FEZ1: variants seen among roughly 807,000 people sequenced by gnomAD.
The protein encoded by FEZ1 is fasciculation and elongation protein zeta-1.
Under a neutral mutation model 49.3 loss-of-function variants are expected in FEZ1, and 20 were observed. That is an observed-to-expected ratio of 0.41 (90% CI 0.29 to 0.59). The LOEUF is 0.59. Ranked by LOEUF, FEZ1 falls within the 20% of genes least tolerant of loss-of-function variation. The pLI, the probability that FEZ1 is intolerant of heterozygous loss-of-function variation, is 0.36. For synonymous variants in FEZ1, 170 were observed against 180.9 expected, an observed-to-expected ratio of 0.94 and a Z score of 0.48; for missense variants, 413 against 476.0, an observed-to-expected ratio of 0.87 and a Z score of 1.23.
chr11:125,462,537 C>T (rs531480614), intron 4 of FEZ1, among the ~76,000 whole-genome samples: 3 of 152,232 alleles, frequency 2.0e-5, no homozygotes, highest in East Asian at 1.9e-4. Context: ...CCGAGTACAA[C>T]GAATTTCAAT....
At chr11:125,476,672 A>G (rs1368457592) in intron 3 of FEZ1, among the ~76,000 whole-genome samples, 1 of 152,204 alleles carries the variant, frequency 6.6e-6, no homozygotes, top group African/African-American at 2.4e-5. Context: ...CAGGAATCTA[A>G]AGATGGAGAA....
intron 8 of FEZ1, among the ~76,000 whole-genome samples, chr11:125,451,737 C>G (rs775880062): frequency 3.2e-4 from 48 of 152,230 alleles, no homozygotes; most frequent in Non-Finnish European, 6.9e-4. Flanking sequence ...CAGTTACTGT[C>G]TACAAAAGGC....
intron 1 of FEZ1, among the ~76,000 whole-genome samples, chr11:125,493,507 AG>A (rs1208191782): frequency 1.4e-5 from 1 of 73,048 alleles, no homozygotes; most frequent in African/African-American, 6.1e-5. Context: ...AGAAAGAAAG[AG>A]AGAAAGAAAG....
rs1256403067 is a variant in FEZ1, at chr11:125,445,845, G to A, written c.*250C>T. The A allele has an allele frequency of 1.5e-5, 8 of 540,962 alleles. No homozygotes were observed. Among genetic ancestry groups the A allele is most frequent in the Admixed American group, 2.6e-5 (1 of 38,318 alleles). 33.5% of individuals were successfully genotyped at this position (540,962 alleles called of 1,614,324 possible). A position where few individuals can be genotyped will look rare whatever the true frequency, so the allele number is the denominator to read the frequency against. ...AGACTACATAATGAGCGGTGAAAGCGGCTGCCTTCCCCTCTCCTGACACCA... is the reference window on the plus strand; with the variant it reads ...AGACTACATAATGAGCGGTGAAAGCAGCTGCCTTCCCCTCTCCTGACACCA... On this transcript the variant is annotated 3_prime_UTR_variant, in exon 10 of 10. Coordinates refer to ENST00000278919, the MANE Select transcript of FEZ1 (RefSeq NM_005103.5). The surrounding 1 kb of genome is among the most constrained non-coding windows in gnomAD (Gnocchi z 4.4).
At chr11:125,477,421 C>A (rs1240818144) in intron 3 of FEZ1, among the ~76,000 whole-genome samples, 1 of 151,960 alleles carries the variant, frequency 6.6e-6, no homozygotes, top group Admixed American at 6.6e-5. Context: ...AGGAGAATTG[C>A]TTGAACCTGG....
In FEZ1 at chr11:125,489,570, G is replaced by T; in HGVS notation, c.208C>A (p.Leu70Ile). ...EDLVNEFDEK[L>I]NVCFRNYNAK... is the part of the protein sequence containing the mutation. ...TTGTAGTTCCGAAAGCAGACATTGA[G>T]CTTCTCATCAAATTCATTTACGAGG... The change falls in exon 2 of 10, where the codon CTC (leucine) becomes ATC (isoleucine). Residue 70 changes from leucine (L) to isoleucine (I), a missense_variant. Coordinates refer to ENST00000278919, the MANE Select transcript of FEZ1 (RefSeq NM_005103.5). The surrounding 1 kb of genome is among the most constrained non-coding windows in gnomAD (Gnocchi z 4.2). 6.2e-7 allele frequency: 1 copy of T among 1,614,156 alleles called. No homozygotes were observed. The highest frequency in any genetic ancestry group is 8.5e-7 in the Non-Finnish European group (1 of 1,180,016).
At chr11:125,467,887 CT>C (rs1474616473) in intron 3 of FEZ1, among the ~76,000 whole-genome samples, 1 of 152,118 alleles carries the variant, frequency 6.6e-6, no homozygotes, top group Non-Finnish European at 1.5e-5. Context: ...CCAATTTCCT[CT>C]TATCCAGACA....
rs1555177852 is a variant in FEZ1, at chr11:125,449,441, A to AG, written c.1097-875_1097-874insC. 3.6e-3 allele frequency among the ~76,000 whole-genome samples: 460 copies of AG among 128,210 alleles called. 27 individuals carry two copies. Among genetic ancestry groups the AG allele is most frequent in the East Asian group, 0.02 (71 of 3,510 alleles). The allele number at this position is 128,210 out of a possible 152,430, so 84.1% of individuals were successfully genotyped here. ...ATAAAAAAAAAAAAAAAAAAAAAAA[A>AG]AAGAAGAAGAGGAAGAAAAGAAAAA... On this transcript the variant is annotated intron_variant, in intron 8 of 9. Transcript: ENST00000278919.
Position 125,454,132 on chromosome 11 carries a change from G to A in FEZ1, c.1018C>T (p.Gln340Ter), listed in dbSNP as rs1198238415. The part of the protein sequence containing the change: ...QTFGSSGTDK[Q>*]YLNTVIPYEK... ...TGGAGCAGGGAGACTACGCGTACCT[G>A]TTTGTCAGTTCCTGAGGAGCCAAAG... Residue 340 changes from glutamine (Q) to a stop codon, truncating the protein, a stop_gained and splice_region_variant, in exon 7 of 10, where the codon CAG becomes TAG. Transcript: ENST00000278919. LOFTEE classifies it high-confidence loss of function. 1 of 1,612,066 alleles carries A rather than the reference G, an allele frequency of 6.2e-7. No homozygotes were observed. Among genetic ancestry groups the A allele is most frequent in the Admixed American group, 1.7e-5 (1 of 59,908 alleles).
intron 9 of FEZ1, among the ~76,000 whole-genome samples, chr11:125,447,047 G>C (rs1395304756): frequency 6.6e-6 from 1 of 151,908 alleles, no homozygotes; most frequent in East Asian, 1.9e-4. Context: ...GTGCATGCAG[G>C]ACAAAAAACA....
chr11:125,448,644 G>A (rs905496940), intron 8 of FEZ1, 77 bp from the exon 9 acceptor site: 5 of 865,892 alleles, frequency 5.8e-6, no homozygotes, highest in Admixed American at 1.8e-5. Context: ...TGACCCACCA[G>A]CCCAGAGTGA....
chr11:125,459,926 G>A (rs537121177), intron 5 of FEZ1, among the ~76,000 whole-genome samples: 1 of 152,178 alleles, frequency 6.6e-6, no homozygotes, highest in South Asian at 2.1e-4. Context: ...GCGAAACCTC[G>A]TCTCTACAAA....
chr11:125,467,607 T>C (rs2135758280), intron 3 of FEZ1, among the ~76,000 whole-genome samples: 1 of 152,220 alleles, frequency 6.6e-6, no homozygotes, highest in East Asian at 1.9e-4. Context: ...TTCCAGCAAT[T>C]TGGGAGGCCA....
At chr11:125,466,734 A>G (rs1179559182) in intron 3 of FEZ1, among the ~76,000 whole-genome samples, 1 of 152,186 alleles carries the variant, frequency 6.6e-6, no homozygotes, top group African/African-American at 2.4e-5. Context: ...AAGGCCTATA[A>G]CATTGCTAAA....
At chr11:125,492,069 C>A (rs1565306179) in intron 1 of FEZ1, among the ~76,000 whole-genome samples, 1 of 152,162 alleles carries the variant, frequency 6.6e-6, no homozygotes. Flanking sequence ...CCAATATATC[C>A]AAAGTGTTAC....
chr11:125,453,344 C>T (rs1956976291), intron 7 of FEZ1: 1 of 152,214 alleles, frequency 6.6e-6, no homozygotes. Flanking sequence ...ATAGTTCTCA[C>T]TGCCATAAAA....
chr11:125,489,675 G>A lies in FEZ1; in HGVS notation c.103C>T (p.Pro35Ser). The change falls in exon 2 of 10, where the codon CCC (proline) becomes TCC (serine). Residue 35 changes from proline to serine, a missense_variant. Physicochemically the swap from Pro to Ser is moderately conservative, Grantham distance 74. Coordinates refer to ENST00000278919, the MANE Select transcript of FEZ1 (RefSeq NM_005103.5). The surrounding 1 kb of genome is among the most constrained non-coding windows in gnomAD (Gnocchi z 4.2). ...EKPQCFYGSS[P>S]HHLEDPSLSE... is the part of the protein sequence containing the mutation. ...AGGGAGGGGTCCTCGAGATGGTGGGGAGATGAACCATAGAAACACTGGGGC... is the reference window on the plus strand; with the variant it reads ...AGGGAGGGGTCCTCGAGATGGTGGGAAGATGAACCATAGAAACACTGGGGC... 1 of 1,614,016 alleles carries A rather than the reference G, an allele frequency of 6.2e-7. No individual in the cohort carries two copies. The highest frequency in any genetic ancestry group is 8.5e-7 in the Non-Finnish European group (1 of 1,179,956).
intron 5 of FEZ1, among the ~76,000 whole-genome samples, chr11:125,457,598 G>T (rs1363521605): frequency 1.4e-5 from 2 of 138,076 alleles, no homozygotes; most frequent in African/African-American, 2.7e-5. Flanking sequence ...TTTGCGGCAG[G>T]GGAGGAAGAA....
chr11:125,472,732 A>G (rs1358128564), intron 3 of FEZ1, among the ~76,000 whole-genome samples: 1 of 152,210 alleles, frequency 6.6e-6, no homozygotes, highest in Non-Finnish European at 1.5e-5. Context: ...AGAACAAAAT[A>G]AAATTTCAGA....
Sources: gnomAD v4.1 joint callset for allele counts (sites outside exome capture counted in the v4.1 genomes callset) on GRCh38, gnomAD v4.1.1 for gene constraint, Gnocchi (gnomAD v3.1) non-coding constraint, MANE v1.5 for transcripts, NCBI Gene and HGNC (gene_info 2026-07-23, HGNC 2026-07-21) for gene names.